KCNQ5: variants seen among roughly 807,000 people sequenced by gnomAD.
KCNQ5 encodes the protein potassium voltage-gated channel subfamily KQT member 5.
Under a neutral mutation model 98.2 loss-of-function variants are expected in KCNQ5, and 30 were observed. That is an observed-to-expected ratio of 0.31 (90% CI 0.23 to 0.41). KCNQ5 has a LOEUF of 0.41. KCNQ5 is among the 10% of genes least tolerant of loss of function. The probability of loss-of-function intolerance (pLI) is 1.00; values close to 1 mark genes in which losing one functional copy is unlikely to be tolerated. For missense variants in KCNQ5, 835 were observed against 1,182.5 expected, an observed-to-expected ratio of 0.71 and a Z score of 4.31; for synonymous variants, 458 against 449.4, an observed-to-expected ratio of 1.02 and a Z score of -0.24.
At chr6:73,170,458 A>G (rs917773248) in intron 11 of KCNQ5, among the ~76,000 whole-genome samples, 4 of 142,826 alleles carry the variant, frequency 2.8e-5, no homozygotes, top group African/African-American at 1.1e-4. Context: ...ACACACACAC[A>G]CACGCAATCA....
In KCNQ5 at chr6:72,921,097, C is replaced by T. The variant is rs150428943; in HGVS notation, c.399-82811C>T. 2.7e-3 allele frequency among the ~76,000 whole-genome samples: 412 copies of T among 152,182 alleles called. 4 individuals carry two copies. Among genetic ancestry groups the T allele is most frequent in the East Asian group, 0.02 (105 of 5,190 alleles). Reference sequence around the variant, plus strand: ...TGGGCTGAAGGGATAGAGGAGGAGACAGACTAAAATAAGAGTTAGAGTAAG... The same window carrying T: ...TGGGCTGAAGGGATAGAGGAGGAGATAGACTAAAATAAGAGTTAGAGTAAG... On this transcript the variant is annotated intron_variant, in intron 1 of 13. Coordinates refer to ENST00000370398, the MANE Select transcript of KCNQ5 (RefSeq NM_019842.4).
At chr6:73,078,250 CTCTTCAAAAGTTTA>C (rs1773616672) in intron 5 of KCNQ5, among the ~76,000 whole-genome samples, 1 of 151,864 alleles carries the variant, frequency 6.6e-6, no homozygotes, top group Non-Finnish European at 1.5e-5. Context: ...TGATTTTCCG[CTCTTCAAAAGTTTA>C]TCTGGGGTTA....
intron 1 of KCNQ5, among the ~76,000 whole-genome samples, chr6:72,842,627 C>G (rs952317608): frequency 6.6e-6 from 1 of 152,170 alleles, no homozygotes; most frequent in Non-Finnish European, 1.5e-5. Context: ...TTCTATTTCT[C>G]CACATCCTCT....
At chr6:72,655,046 T>G (rs1223724493) in intron 1 of KCNQ5, among the ~76,000 whole-genome samples, 2 of 145,998 alleles carry the variant, frequency 1.4e-5, no homozygotes, top group Admixed American at 6.8e-5. Context: ...CTTTCTTTCT[T>G]TCTTTCTTTC....
At chr6:72,791,415 C>T (rs1425218715) in intron 1 of KCNQ5, among the ~76,000 whole-genome samples, 1 of 152,070 alleles carries the variant, frequency 6.6e-6, no homozygotes, top group Non-Finnish European at 1.5e-5. Flanking sequence ...TTTCTCCTAC[C>T]CAATGCCCTC....
At chr6:73,075,580 C>T (rs1484281406) in intron 3 of KCNQ5, among the ~76,000 whole-genome samples, 1 of 152,158 alleles carries the variant, frequency 6.6e-6, no homozygotes, top group Non-Finnish European at 1.5e-5. Flanking sequence ...AATAAAATCA[C>T]ATTGTACATA....
chr6:72,924,439 A>C (rs1426215183), intron 1 of KCNQ5, among the ~76,000 whole-genome samples: 1 of 152,156 alleles, frequency 6.6e-6, no homozygotes, highest in African/African-American at 2.4e-5. Flanking sequence ...CCTCACACTG[A>C]AGACTAAGAT....
At chr6:73,180,827 C>A (rs1328222817) in intron 11 of KCNQ5, among the ~76,000 whole-genome samples, 1 of 152,106 alleles carries the variant, frequency 6.6e-6, no homozygotes. Flanking sequence ...CAAACTGCCT[C>A]TTCAGTTCAC....
At position 72,763,317 on chromosome 6, in the gene KCNQ5, A is replaced by G. The variant is rs377550377; in HGVS notation, c.398+140730A>G. 2.0e-4 allele frequency among the ~76,000 whole-genome samples: 30 copies of G among 152,118 alleles called. No individual in the cohort carries two copies. In the East Asian group the frequency reaches 4.5e-3, roughly 23 times the overall value. Reference sequence around the variant, plus strand: ...GCCTTAAAGGGCTGAGTTATTATAAACACTATCTGTGTAGACATTTAAAAG... The same window carrying G: ...GCCTTAAAGGGCTGAGTTATTATAAGCACTATCTGTGTAGACATTTAAAAG... On this transcript the variant is annotated intron_variant, in intron 1 of 13. Coordinates refer to ENST00000370398, the MANE Select transcript of KCNQ5 (RefSeq NM_019842.4).
chr6:73,080,639 T>C (rs1437621808), intron 5 of KCNQ5, among the ~76,000 whole-genome samples: 2 of 152,176 alleles, frequency 1.3e-5, no homozygotes, highest in Non-Finnish European at 2.9e-5. Context: ...TTGCACCTAA[T>C]GGAAACCTTA....
chr6:73,140,075 A>G (rs150173291), intron 10 of KCNQ5, among the ~76,000 whole-genome samples: 1 of 152,288 alleles, frequency 6.6e-6, no homozygotes, highest in Non-Finnish European at 1.5e-5. Context: ...ATCACTGAAA[A>G]CAGTGACAAA....
chr6:73,159,212 T>G (rs917327897), intron 10 of KCNQ5, among the ~76,000 whole-genome samples: 3 of 152,220 alleles, frequency 2.0e-5, no homozygotes, highest in Non-Finnish European at 4.4e-5. Flanking sequence ...CAAATGGAGC[T>G]GGAGGCCATT....
At chr6:72,716,528 C>G (rs901549458) in intron 1 of KCNQ5, among the ~76,000 whole-genome samples, 3 of 152,184 alleles carry the variant, frequency 2.0e-5, no homozygotes, top group African/African-American at 7.2e-5. Context: ...TCTTCATGGC[C>G]TTTAATTGTT....
intron 1 of KCNQ5, among the ~76,000 whole-genome samples, chr6:72,875,954 A>G (rs1231327230): frequency 3.3e-5 from 5 of 151,976 alleles, no homozygotes; most frequent in African/African-American, 1.2e-4. Flanking sequence ...CATATATATA[A>G]TGTATAGAGT....
chr6:73,101,479 A>G (rs1774770690), intron 5 of KCNQ5, among the ~76,000 whole-genome samples: 1 of 152,256 alleles, frequency 6.6e-6, no homozygotes, highest in Non-Finnish European at 1.5e-5. Flanking sequence ...TTGTTTGCAG[A>G]TGATATGATC....
chr6:72,911,909 C>T (rs181497177), intron 1 of KCNQ5, among the ~76,000 whole-genome samples: 2 of 152,156 alleles, frequency 1.3e-5, no homozygotes, highest in Admixed American at 1.3e-4. Context: ...TACCTCTGAA[C>T]TGGCAGTTTT....
Position 73,178,907 on chromosome 6 carries a change from A to G in KCNQ5, c.1577+9053A>G, listed in dbSNP as rs549540485. 3.4e-4 allele frequency among the ~76,000 whole-genome samples: 52 copies of G among 152,346 alleles called. 1 individual carries two copies. The South Asian group carries it at 9.7e-3, about 29-fold the overall frequency. ...AAAAAGTATTCTAAATAACTAACAC[A>G]TATGCCTTCAATAGTGACCCAAATT... On this transcript the variant is annotated intron_variant, in intron 11 of 13. Coordinates refer to ENST00000370398, the MANE Select transcript of KCNQ5 (RefSeq NM_019842.4).
At chr6:73,098,819 C>G (rs1185304732) in intron 5 of KCNQ5, among the ~76,000 whole-genome samples, 1 of 152,080 alleles carries the variant, frequency 6.6e-6, no homozygotes, top group Non-Finnish European at 1.5e-5. Flanking sequence ...GGGTAGAAAA[C>G]TCACTGGTAA....
Position 72,919,772 on chromosome 6 carries a change from A to G in KCNQ5, c.399-84136A>G, listed in dbSNP as rs557626057. Among the ~76,000 whole-genome samples, 6 of 152,330 alleles carry G rather than the reference A, an allele frequency of 3.9e-5. No homozygotes were observed. The South Asian group carries it at 1.2e-3, about 32-fold the overall frequency. On this transcript the variant is annotated intron_variant, in intron 1 of 13. Transcript: ENST00000370398. ...ATTTCAGAAGTATCAACCAATGTTG[A>G]AGGAAGCCTGCCTTTGGTTATAGAC...
Sources: gnomAD v4.1 joint callset for allele counts (sites outside exome capture counted in the v4.1 genomes callset) on GRCh38, gnomAD v4.1.1 for gene constraint, MANE v1.5 for transcripts, NCBI Gene and HGNC (gene_info 2026-07-23, HGNC 2026-07-21) for gene names.